Variants in CHCHD5 observed in about 807,000 individuals in gnomAD.
The protein encoded by CHCHD5 is coiled-coil-helix-coiled-coil-helix domain containing 5.
CHCHD5 carries 10 observed loss-of-function variants against 16.0 expected under a neutral mutation model. The ratio of observed to expected loss-of-function variants is 0.63; its 90% CI spans 0.39 to 1.06. The LOEUF (loss-of-function observed/expected upper bound fraction) is 1.06, where lower values mean the gene tolerates loss of function less well. Among genes scored for constraint, CHCHD5 ranks in the 50% least tolerant of loss-of-function variants. The probability of loss-of-function intolerance (pLI) is 0.01; values close to 1 mark genes in which losing one functional copy is unlikely to be tolerated. For synonymous variants in CHCHD5, 55 were observed against 56.3 expected, an observed-to-expected ratio of 0.98 and a Z score of 0.10; for missense variants, 163 against 153.4, an observed-to-expected ratio of 1.06 and a Z score of -0.33.
intron 3 of CHCHD5, chr2:112,588,251 T>C (rs1435048954): frequency 6.6e-6 from 1 of 151,448 alleles, no homozygotes; most frequent in Non-Finnish European, 1.5e-5. Flanking sequence ...GATTGCACCA[T>C]TGCACTCTAG....
rs1024124466 is a variant in CHCHD5, at chr2:112,586,311, C to T, written c.255C>T (p.Arg85=). 3 of 1,614,152 alleles carry T rather than the reference C, an allele frequency of 1.9e-6. No individual in the cohort carries two copies. The highest frequency in any genetic ancestry group is 2.7e-5 in the African/African-American group (2 of 74,944). Reference sequence around the variant, plus strand: ...GCAACTGTGCAGAGCATATGCGCCGCTTCCTGCAGTGCGCTGAGCAGGTGC... The same window carrying T: ...GCAACTGTGCAGAGCATATGCGCCGTTTCCTGCAGTGCGCTGAGCAGGTGC... ...AVGNCAEHMR[R]FLQCAEQVQP... is the part of the protein sequence containing the mutation. Residue 85 remains arginine, a synonymous_variant, in exon 3 of 4, where the codon CGC becomes CGT. Coordinates refer to ENST00000324913, the MANE Select transcript of CHCHD5 (RefSeq NM_032309.4).
Position 112,586,005 on chromosome 2 carries a change from T to C in CHCHD5, c.34T>C (p.Cys12Arg). 1 of 1,614,240 alleles carries C rather than the reference T, an allele frequency of 6.2e-7. No individual in the cohort carries two copies. The highest frequency in any genetic ancestry group is 8.5e-7 in the Non-Finnish European group (1 of 1,180,034). Residue 12 changes from cysteine (C) to arginine (R), a missense_variant, in exon 2 of 4, where the codon TGT becomes CGT. By Grantham distance (180) the Cys-to-Arg change is radical. Coordinates refer to ENST00000324913, the MANE Select transcript of CHCHD5 (RefSeq NM_032309.4). Reference protein sequence around the residue: ...QAALEVTARYCGRELEQYGQC... With the variant: ...QAALEVTARYRGRELEQYGQC... ...GGCCCTAGAGGTCACCGCTCGCTACTGTGGCCGGGAGCTGGAGCAGTATGG... is the reference window on the plus strand; with the variant it reads ...GGCCCTAGAGGTCACCGCTCGCTACCGTGGCCGGGAGCTGGAGCAGTATGG...
chr2:112,584,603 C>A (rs748480989), upstream of CHCHD5: 17 of 1,611,772 alleles, frequency 1.1e-5, no homozygotes, highest in Non-Finnish European at 1.4e-5. Context: ...CCGGAAAAGG[C>A]GGGTCGTTCC....
intron 3 of CHCHD5, chr2:112,587,479 C>T (rs1685257269): frequency 6.6e-6 from 1 of 152,222 alleles, no homozygotes; most frequent in African/African-American, 2.4e-5. Context: ...CCTAATCCAT[C>T]TCCTGGCTAA....
At chr2:112,588,315 AG>A (rs1015864913) in intron 3 of CHCHD5, 3 of 150,770 alleles carry the variant, frequency 2.0e-5, no homozygotes, top group Non-Finnish European at 4.4e-5. Flanking sequence ...AAAGGGAATT[AG>A]GTCACATCTC....
intron 1 of CHCHD5, among the ~76,000 whole-genome samples, chr2:112,585,311 G>C (rs1685174428): frequency 6.6e-6 from 1 of 152,178 alleles, no homozygotes; most frequent in South Asian, 2.1e-4. Context: ...GGGCTCTCAA[G>C]CTCTCCCTGG....
At chr2:112,588,399 T>A (rs1160471806) in intron 3 of CHCHD5, 2 of 153,540 alleles carry the variant, frequency 1.3e-5, no homozygotes, top group African/African-American at 4.8e-5. Flanking sequence ...GCAGTGAGAT[T>A]TGTTGTCTGG....
chr2:112,588,562 T>C lies in CHCHD5; in HGVS notation c.310-304T>C, dbSNP rs958783205. ...TGCTCTTTACCCTGATTAAATTTTCTTCATCGAATTTCTTGGATGTTGACA... is the reference window on the plus strand; with the variant it reads ...TGCTCTTTACCCTGATTAAATTTTCCTCATCGAATTTCTTGGATGTTGACA... On this transcript the variant is annotated intron_variant, in intron 3 of 3. Coordinates refer to ENST00000324913, the MANE Select transcript of CHCHD5 (RefSeq NM_032309.4). 9.8e-6 allele frequency: 4 copies of C among 410,158 alleles called. No homozygotes were observed. The South Asian group carries it at 1.3e-4, about 13-fold the overall frequency. The allele number at this position is 410,158 out of a possible 1,614,324, so 25.4% of individuals were successfully genotyped here.
chr2:112,586,919 A>G (rs1685244056), intron 3 of CHCHD5: 1 of 200,120 alleles, frequency 5.0e-6, no homozygotes, highest in Non-Finnish European at 1.0e-5. Flanking sequence ...TATCTGTGAT[A>G]TGTAAGTTTC....
chr2:112,584,508 T>G, upstream of CHCHD5: 1 of 1,045,974 alleles, frequency 9.6e-7, no homozygotes, highest in East Asian at 2.5e-5. Flanking sequence ...CCGTGACAGA[T>G]TAGTCCTAAA....
intron 1 of CHCHD5, 94 bp downstream of exon 1, chr2:112,584,743 C>G: frequency 7.0e-7 from 1 of 1,435,680 alleles, no homozygotes; most frequent in East Asian, 2.4e-5. Flanking sequence ...GAACTAGGAC[C>G]AGCCTCCCTC....
chr2:112,584,593 C>G (rs1685144655), upstream of CHCHD5: 7 of 1,611,322 alleles, frequency 4.3e-6, no homozygotes, highest in Admixed American at 1.2e-4. Context: ...ACAACCGATA[C>G]CGGAAAAGGC....
chr2:112,588,817 G>T lies in CHCHD5; in HGVS notation c.310-49G>T, dbSNP rs1162723683. The T allele has an allele frequency of 2.6e-6, 4 of 1,517,782 alleles. No individual in the cohort carries two copies. In the African/African-American group the frequency reaches 4.1e-5, roughly 15 times the overall value. 94.0% of individuals were successfully genotyped at this position (1,517,782 alleles called of 1,614,324 possible). ...TGTGGTGTCTACATAGGCTCCCCAG[G>T]CTGGGCACAGAGGAGGTGCTACTAG... On this transcript the variant is annotated intron_variant, in intron 3 of 3. Coordinates refer to ENST00000324913, the MANE Select transcript of CHCHD5 (RefSeq NM_032309.4).
intron 1 of CHCHD5, 141 bp downstream of exon 1, chr2:112,584,790 C>T (rs750299055): frequency 3.2e-5 from 32 of 998,606 alleles, no homozygotes; most frequent in Non-Finnish European, 4.7e-5. Context: ...TCAGCGCCTT[C>T]GCTCACGAGC....
In CHCHD5 at chr2:112,586,238, CT is replaced by C. The variant is rs867391606; in HGVS notation, c.186del (p.Phe62LeufsTer62). 8 of 1,613,642 alleles carry C rather than the reference CT, an allele frequency of 5.0e-6. No homozygotes were observed. Among genetic ancestry groups the C allele is most frequent in the Non-Finnish European group, 5.1e-6 (6 of 1,179,530 alleles). ...IRQIRQACAQ[P>X]FEAFEECLRQ... ...CAGATCCGCCAGGCCTGTGCTCAGC[CT>C]TTTGAGGCCTTCGAGGAGTGTCTTC... On this transcript the variant is annotated frameshift_variant, in exon 3 of 4. Transcript: ENST00000324913. LOFTEE classifies it high-confidence loss of function.
chr2:112,586,799 C>G, intron 3 of CHCHD5: 1 of 523,338 alleles, frequency 1.9e-6, no homozygotes, highest in South Asian at 3.2e-5. Flanking sequence ...CTCACCCTCT[C>G]TCTTCTTTCT....
intron 3 of CHCHD5, 95 bp from the exon 4 acceptor site, chr2:112,588,770 TG>T: frequency 1.1e-6 from 1 of 938,516 alleles, no homozygotes; most frequent in African/African-American, 1.6e-5. Context: ...CTCCAGACTG[TG>T]GGCTCTGCAG....
rs753637909 is a variant in CHCHD5, at chr2:112,586,316, T to G, written c.260T>G (p.Leu87Arg). Residue 87 changes from leucine (L) to arginine (R), a missense_variant, in exon 3 of 4, where the codon CTG (leucine) becomes CGG (arginine). By Grantham distance (102) the Leu-to-Arg change is moderately radical. Transcript: ENST00000324913. ...GNCAEHMRRF[L>R]QCAEQVQPPR... Reference sequence around the variant, plus strand: ...TGTGCAGAGCATATGCGCCGCTTCCTGCAGTGCGCTGAGCAGGTGCAGCCG... The same window carrying G: ...TGTGCAGAGCATATGCGCCGCTTCCGGCAGTGCGCTGAGCAGGTGCAGCCG... The G allele has an allele frequency of 3.7e-6, 6 of 1,614,268 alleles. No homozygotes were observed. In the East Asian group the frequency reaches 1.1e-4, roughly 30 times the overall value.
At chr2:112,584,497 G>T (rs993053164), upstream of CHCHD5, 51 of 923,888 alleles carry the variant, frequency 5.5e-5, no homozygotes, top group Admixed American at 1.1e-3. Context: ...GTAGGGCGCC[G>T]CCGTGACAGA....
Sources: gnomAD v4.1 joint callset for allele counts (sites outside exome capture counted in the v4.1 genomes callset) on GRCh38, gnomAD v4.1.1 for gene constraint, MANE v1.5 for transcripts, NCBI Gene and HGNC (gene_info 2026-07-23, HGNC 2026-07-21) for gene names.